The following TCF4 variants were observed in gnomAD, a reference collection of about 807,000 sequenced individuals.
TCF4 encodes the protein SL3-3 enhancer factor 2.
A neutral mutation model predicts 82.1 loss-of-function variants in TCF4; 3 were observed. That is an observed-to-expected ratio of 0.04 (90% CI 0.02 to 0.09). TCF4 has a LOEUF of 0.09. TCF4 is among the 10% of genes least tolerant of loss of function. The pLI is 1.00. For synonymous variants in TCF4, 276 were observed against 309.6 expected, an observed-to-expected ratio of 0.89 and a Z score of 1.14; for missense variants, 518 against 852.7, an observed-to-expected ratio of 0.61 and a Z score of 4.89.
intron 3 of TCF4, 62 bp downstream of exon 3, chr18:55,585,218 A>G: frequency 6.7e-7 from 1 of 1,489,830 alleles, no homozygotes; most frequent in Non-Finnish European, 9.4e-7. Flanking sequence ...CCAAAAACAT[A>G]CAATTGAGTA....
intron 8 of TCF4, among the ~76,000 whole-genome samples, chr18:55,307,195 T>G (rs1413884483): frequency 2.0e-5 from 3 of 152,234 alleles, no homozygotes; most frequent in African/African-American, 4.8e-5. Context: ...GGATTTAACA[T>G]CAAGATGTAA....
At chr18:55,343,447 C>A (rs926080298) in intron 8 of TCF4, among the ~76,000 whole-genome samples, 2 of 152,094 alleles carry the variant, frequency 1.3e-5, no homozygotes, top group Non-Finnish European at 2.9e-5. Flanking sequence ...ATGATTAATT[C>A]CTCAGATGAC....
At chr18:55,492,946 C>G (rs2096591232) in intron 3 of TCF4, among the ~76,000 whole-genome samples, 1 of 152,172 alleles carries the variant, frequency 6.6e-6, no homozygotes, top group Non-Finnish European at 1.5e-5. Flanking sequence ...TATCCACCAA[C>G]ACCTCCACCC....
chr18:55,616,057 G>T (rs1805408215), intron 2 of TCF4, among the ~76,000 whole-genome samples: 1 of 152,060 alleles, frequency 6.6e-6, no homozygotes, highest in Non-Finnish European at 1.5e-5. Context: ...TAAACTCAAT[G>T]CTGTACAACA....
Position 55,226,424 on chromosome 18 carries a change from G to A in TCF4, c.*1611C>T, listed in dbSNP as rs1157168542. 6.6e-6 allele frequency: 1 copy of A among 152,542 alleles called. No homozygotes were observed. Among genetic ancestry groups the A allele is most frequent in the Non-Finnish European group, 1.5e-5 (1 of 68,024 alleles). 9.4% of individuals were successfully genotyped at this position (152,542 alleles called of 1,614,324 possible). A position where few individuals can be genotyped will look rare whatever the true frequency, so the allele number is the denominator to read the frequency against. On this transcript the variant is annotated 3_prime_UTR_variant, in exon 20 of 20. Coordinates refer to ENST00000354452, the MANE Select transcript of TCF4 (RefSeq NM_001083962.2). ...GTCAATCATTATAAAGATTCACGATGGAAGTTGGTTCAATTGTGCCCAGAC... is the reference window on the plus strand; with the variant it reads ...GTCAATCATTATAAAGATTCACGATAGAAGTTGGTTCAATTGTGCCCAGAC...
intron 3 of TCF4, among the ~76,000 whole-genome samples, chr18:55,564,674 A>C (rs1223350876): frequency 6.6e-6 from 1 of 152,194 alleles, no homozygotes; most frequent in East Asian, 1.9e-4. Flanking sequence ...TAACATACAG[A>C]TGGCTCTACA....
intron 5 of TCF4, among the ~76,000 whole-genome samples, chr18:55,434,220 T>C (rs911987721): frequency 2.0e-5 from 3 of 152,170 alleles, no homozygotes; most frequent in African/African-American, 7.2e-5. Flanking sequence ...AAAGTGTTCA[T>C]TGTAATAAAA....
intron 5 of TCF4, among the ~76,000 whole-genome samples, chr18:55,456,368 C>A (rs1374969902): frequency 6.6e-6 from 1 of 152,148 alleles, no homozygotes; most frequent in African/African-American, 2.4e-5. Context: ...ATGAGTAGGA[C>A]TAGAACCAAA....
chr18:55,539,654 G>C (rs149224658), intron 3 of TCF4, among the ~76,000 whole-genome samples: 15 of 152,088 alleles, frequency 9.9e-5, no homozygotes, highest in African/African-American at 1.7e-4. Flanking sequence ...ACACAAAGGA[G>C]GATTAGTGCC....
chr18:55,581,126 C>T (rs965213439), intron 3 of TCF4, among the ~76,000 whole-genome samples: 1 of 151,944 alleles, frequency 6.6e-6, no homozygotes, highest in African/African-American at 2.4e-5. Context: ...TCAGAAGGCA[C>T]ATGCATATAC....
upstream of TCF4, chr18:55,588,285 G>T (rs1021050784): frequency 2.8e-6 from 4 of 1,443,090 alleles, no homozygotes; most frequent in East Asian, 7.6e-5. Context: ...GAAACACGCC[G>T]AGGCGCACGG....
Position 55,422,311 on chromosome 18 carries a change from C to A in TCF4, c.305-18793G>T, listed in dbSNP as rs181258170. 16 of 984,964 alleles carry A rather than the reference C, an allele frequency of 1.6e-5. No homozygotes were observed. In the East Asian group the frequency reaches 1.4e-3, roughly 84 times the overall value. The allele number at this position is 984,964 out of a possible 1,614,324, so 61.0% of individuals were successfully genotyped here. A position where few individuals can be genotyped will look rare whatever the true frequency, so the allele number is the denominator to read the frequency against. ...TGGCGTGAATCTGCCAGCCAGAGGA[C>A]AGAACACAACATGCTGGGGCTTGGC... On this transcript the variant is annotated intron_variant, in intron 5 of 19. Coordinates refer to ENST00000354452, the MANE Select transcript of TCF4 (RefSeq NM_001083962.2).
At chr18:55,305,369 C>T (rs2069927694) in intron 8 of TCF4, among the ~76,000 whole-genome samples, 1 of 152,140 alleles carries the variant, frequency 6.6e-6, no homozygotes, top group Admixed American at 6.5e-5. Flanking sequence ...ACAGGGGGAA[C>T]ACTGTACATG....
Position 55,224,574 on chromosome 18 carries a change from C to T in TCF4, c.*3461G>A, listed in dbSNP as rs1033237037. The T allele has an allele frequency of 6.6e-6, 1 of 152,466 alleles. No individual in the cohort carries two copies. Among genetic ancestry groups the T allele is most frequent in the Non-Finnish European group, 1.5e-5 (1 of 68,014 alleles). 9.4% of individuals were successfully genotyped at this position (152,466 alleles called of 1,614,324 possible). A position where few individuals can be genotyped will look rare whatever the true frequency, so the allele number is the denominator to read the frequency against. Reference sequence around the variant, plus strand: ...ATGCAAAAGATGAAAATCCTCTTAACTCCAAGTCTTGGTTCGACTCCCTCC... The same window carrying T: ...ATGCAAAAGATGAAAATCCTCTTAATTCCAAGTCTTGGTTCGACTCCCTCC... On this transcript the variant is annotated 3_prime_UTR_variant, in exon 20 of 20. Transcript: ENST00000354452.
At chr18:55,327,258 AT>A (rs761793090) in intron 8 of TCF4, among the ~76,000 whole-genome samples, 86 of 152,106 alleles carry the variant, frequency 5.7e-4, no homozygotes, top group Middle Eastern at 3.4e-3. Context: ...CACTTATCGG[AT>A]AAGTAGAAAA....
At chr18:55,572,143 C>T (rs931962981) in intron 3 of TCF4, among the ~76,000 whole-genome samples, 3 of 152,086 alleles carry the variant, frequency 2.0e-5, no homozygotes, top group Non-Finnish European at 4.4e-5. Flanking sequence ...TTTCAGCACC[C>T]TCGTTTGAAG....
In TCF4 at chr18:55,378,702, A is replaced by G. The variant is rs372679269; in HGVS notation, c.369+24752T>C. Among the ~76,000 whole-genome samples the G allele has an allele frequency of 3.9e-5, 6 of 152,344 alleles. No individual in the cohort carries two copies. In the East Asian group the frequency reaches 7.7e-4, roughly 20 times the overall value. ...GCAACCGAATTATGGATTATCTAAC[A>G]TAAAGTCAGACCTTTTCTCTTCTCT... On this transcript the variant is annotated intron_variant, in intron 6 of 19. Coordinates refer to ENST00000354452, the MANE Select transcript of TCF4 (RefSeq NM_001083962.2).
chr18:55,289,477 A>T (rs2064497696), intron 8 of TCF4, among the ~76,000 whole-genome samples: 1 of 152,204 alleles, frequency 6.6e-6, no homozygotes, highest in African/African-American at 2.4e-5. Flanking sequence ...GATGTAACTA[A>T]ATTATTTCTA....
At chr18:55,264,552 C>G (rs2058701969) in intron 11 of TCF4, 1 of 150,894 alleles carries the variant, frequency 6.6e-6, no homozygotes. Flanking sequence ...AAGGGTATAA[C>G]TGGAAAAGAA....
Sources: allele counts gnomAD v4.1 joint callset (sites outside exome capture counted in the v4.1 genomes callset), GRCh38; gene constraint gnomAD v4.1.1; transcripts MANE v1.5; gene names NCBI Gene and HGNC (gene_info 2026-07-23, HGNC 2026-07-21).